PRR33: variants seen among roughly 807,000 people sequenced by gnomAD.
PRR33 encodes proline rich 33.
Under a neutral mutation model 0.5 loss-of-function variants are expected in PRR33, and 1 was observed. That is an observed-to-expected ratio of 2.18 (90% confidence interval 0.77 to 10.34). PRR33 has a LOEUF of 10.34. Among genes scored for constraint, PRR33 ranks in the 30% most tolerant of loss-of-function variants. PRR33 has a pLI of 0.13. For synonymous variants in PRR33, 226 were observed against 110.0 expected (o/e 2.06, Z -6.60); for missense variants, 552 against 251.8 (o/e 2.19, Z -8.07).
At chr11:1,914,163 G>T in the PRR33 span, among the ~76,000 whole-genome samples, 3 of 152,272 alleles carry the variant, frequency 2.0e-5, no homozygotes, top group Non-Finnish European at 1.5e-5. Context: ...GGCCTGCTGT[G>T]GGGGTGCAGG....
chr11:1,905,504 T>A, the PRR33 span, among the ~76,000 whole-genome samples: 8 of 148,202 alleles, frequency 5.4e-5, no homozygotes, highest in East Asian at 1.4e-3. Context: ...AGTGGCGTGA[T>A]CTCAGCTCAC....
At chr11:1,913,651 G>C in the PRR33 span, among the ~76,000 whole-genome samples, 1 of 152,184 alleles carries the variant, frequency 6.6e-6, no homozygotes, top group Non-Finnish European at 1.5e-5. Flanking sequence ...TAGTTAGTTG[G>C]GTTCTGACTT....
chr11:1,904,912 A>G, the PRR33 span, among the ~76,000 whole-genome samples: 6 of 151,880 alleles, frequency 4.0e-5, no homozygotes, highest in Non-Finnish European at 5.9e-5. Flanking sequence ...GCCCTTCCCC[A>G]TCAAGTTGGC....
chr11:1,907,023 C>T, the PRR33 span, among the ~76,000 whole-genome samples: 2 of 152,230 alleles, frequency 1.3e-5, no homozygotes, highest in East Asian at 1.9e-4. Flanking sequence ...GCATGGGCAG[C>T]GAGAGGCCCC....
chr11:1,892,082 T>C (rs1849023850), upstream of PRR33: 1 of 151,242 alleles, frequency 6.6e-6, no homozygotes, highest in Non-Finnish European at 1.5e-5. Context: ...AAGTGCCTTC[T>C]AGGAAGTTAG....
chr11:1,911,882 C>T, the PRR33 span, among the ~76,000 whole-genome samples: 4 of 150,732 alleles, frequency 2.7e-5, no homozygotes, highest in South Asian at 2.1e-4. Flanking sequence ...CCCCCGAGGC[C>T]GGGAATGGTG....
the PRR33 span, among the ~76,000 whole-genome samples, chr11:1,897,997 C>T: frequency 2.6e-5 from 4 of 152,186 alleles, no homozygotes; most frequent in South Asian, 2.1e-4. This position sits in a 1 kb window ranked among gnomAD's most constrained non-coding sequence, Gnocchi z 4.0. Context: ...AAAGAGTCTA[C>T]TCATTTCAAA....
In PRR33 at chr11:1,890,396, G is replaced by A. The variant is rs1308858106; in HGVS notation, c.189C>T (p.Arg63=). The A allele has an allele frequency of 1.1e-5, 8 of 717,008 alleles. No homozygotes were observed. In the Admixed American group the frequency reaches 1.6e-4, roughly 14 times the overall value. 44.4% of individuals were successfully genotyped at this position (717,008 alleles called of 1,614,324 possible). Residue 63 remains arginine (R), a synonymous_variant, in exon 1 of 1, where the codon CGC becomes CGT. Coordinates refer to ENST00000640310, the Ensembl canonical transcript of PRR33. ...CCTCACTCACGGGGGACAGGGAGGT[G>A]CGGAAGGCCCTGGGTGGAGCGAGGT...
At chr11:1,910,200 C>T in the PRR33 span, among the ~76,000 whole-genome samples, 26 of 152,044 alleles carry the variant, frequency 1.7e-4, 2 homozygotes, top group East Asian at 1.9e-4. Context: ...ATGCAAATGC[C>T]GGACTGAGGG....
chr11:1,900,012 G>A, the PRR33 span, among the ~76,000 whole-genome samples: 3 of 151,236 alleles, frequency 2.0e-5, no homozygotes, highest in South Asian at 4.2e-4. Context: ...AACTTACAAC[G>A]GTCACCATGT....
At chr11:1,902,156 C>T in the PRR33 span, among the ~76,000 whole-genome samples, 4 of 150,486 alleles carry the variant, frequency 2.7e-5, no homozygotes, top group East Asian at 5.9e-4. Context: ...GGTCTGAACC[C>T]GGGAGGCGGA....
the PRR33 span, among the ~76,000 whole-genome samples, chr11:1,917,293 C>A: frequency 0.11 from 16,285 of 152,204 alleles, 984 homozygotes; most frequent in Middle Eastern, 0.18. Flanking sequence ...GTGCTGGGAC[C>A]TAGATTGAGG....
At chr11:1,906,897 T>C in the PRR33 span, among the ~76,000 whole-genome samples, 2 of 152,216 alleles carry the variant, frequency 1.3e-5, no homozygotes, top group African/African-American at 4.8e-5. Flanking sequence ...CTCTCTGAGC[T>C]TCACGAACTT....
At chr11:1,890,732 G>A (rs556960271) in exon 1 of PRR33, 5 of 604,212 alleles carry the variant, frequency 8.3e-6, no homozygotes, top group South Asian at 2.0e-5. Flanking sequence ...CCCAGAACCT[G>A]CCAGGGACAT....
exon 1 of PRR33, chr11:1,889,501 G>T: frequency 1.6e-6 from 1 of 618,114 alleles, no homozygotes. Flanking sequence ...TCCAGGCTCT[G>T]CCGCGGCTCT....
the PRR33 span, among the ~76,000 whole-genome samples, chr11:1,914,831 G>A: frequency 8.6e-5 from 12 of 138,800 alleles, 1 homozygote; most frequent in Admixed American, 6.6e-4. Flanking sequence ...TGTGTTGTGG[G>A]TGTACAAACC....
upstream of PRR33, among the ~76,000 whole-genome samples, chr11:1,894,477 C>T (rs182918680): frequency 2.6e-5 from 4 of 151,584 alleles, no homozygotes; most frequent in Non-Finnish European, 4.4e-5. Flanking sequence ...CTCAAGCGAC[C>T]CCCCCTGCCT....
chr11:1,899,539 A>G, the PRR33 span, among the ~76,000 whole-genome samples: 1 of 152,196 alleles, frequency 6.6e-6, no homozygotes, highest in Non-Finnish European at 1.5e-5. Flanking sequence ...TGGAAGATAC[A>G]TGAGGTTCTA....
chr11:1,889,405 C>T (rs869444), exon 1 of PRR33: 55,334 of 684,982 alleles, frequency 0.081, 2,562 homozygotes, highest in Middle Eastern at 0.15. Context: ...GTCCGGGAGG[C>T]GGGGGCCCGG....
Sources: allele counts gnomAD v4.1 joint callset (sites outside exome capture counted in the v4.1 genomes callset), GRCh38; gene constraint gnomAD v4.1.1; non-coding constraint Gnocchi (gnomAD v3.1); transcripts MANE v1.5; gene names NCBI Gene and HGNC (gene_info 2026-07-23, HGNC 2026-07-21).